SKAP2: variants seen among roughly 807,000 people sequenced by gnomAD.
SKAP2 encodes src kinase associated phosphoprotein 2.
SKAP2 carries 28 observed loss-of-function variants against 54.9 expected under a neutral mutation model. That is an observed-to-expected ratio of 0.51 (90% CI 0.38 to 0.70). The LOEUF is 0.70. SKAP2 is among the 30% of genes least tolerant of loss of function. SKAP2 has a pLI of 0.00. For missense variants in SKAP2, 356 were observed against 424.1 expected, an observed-to-expected ratio of 0.84 and a Z score of 1.41; for synonymous variants, 137 against 134.3, an observed-to-expected ratio of 1.02 and a Z score of -0.14.
intron 9 of SKAP2, among the ~76,000 whole-genome samples, chr7:26,714,463 A>G (rs1787386637): frequency 6.6e-6 from 1 of 152,232 alleles, no homozygotes. Context: ...AAATTAAGGT[A>G]AAATTTCACT....
chr7:26,848,864 G>A (rs988472276), intron 3 of SKAP2, among the ~76,000 whole-genome samples: 1 of 152,136 alleles, frequency 6.6e-6, no homozygotes, highest in African/African-American at 2.4e-5. Context: ...TCTACAATAG[G>A]AGGGCATGCA....
intron 11 of SKAP2, among the ~76,000 whole-genome samples, chr7:26,683,566 A>AAGG (rs924462513): frequency 6.6e-6 from 1 of 151,690 alleles, no homozygotes; most frequent in African/African-American, 2.4e-5. Context: ...GGAAGGAAGG[A>AAGG]AAGAAGGAGC....
At chr7:26,726,118 T>C in intron 7 of SKAP2, 132 bp from the exon 8 acceptor site, 1 of 602,186 alleles carries the variant, frequency 1.7e-6, no homozygotes. Flanking sequence ...CAAGGATGCT[T>C]CTTATAATGT....
At position 26,690,327 on chromosome 7, in the gene SKAP2, C is replaced by A; in HGVS notation, c.832G>T (p.Glu278Ter). 1 of 1,612,436 alleles carries A rather than the reference C, an allele frequency of 6.2e-7. No homozygotes were observed. The highest frequency in any genetic ancestry group is 1.1e-5 in the South Asian group (1 of 91,032). The change falls in exon 10 of 13, where the codon GAA becomes TAA. Residue 278 changes from glutamate to a stop codon, truncating the protein, a stop_gained. Transcript: ENST00000345317. LOFTEE classifies it high-confidence loss of function. Reference sequence around the variant, plus strand: ...CTATCCTGACTCATCTTCCTTTGTTCTTCCACTTTCACTGGAGCACTGTCC... The same window carrying A: ...CTATCCTGACTCATCTTCCTTTGTTATTCCACTTTCACTGGAGCACTGTCC... ...EEDSAPVKVE[E>*]QRKMSQDSVH...
intron 9 of SKAP2, among the ~76,000 whole-genome samples, chr7:26,717,901 G>A (rs916311457): frequency 6.6e-6 from 1 of 151,730 alleles, no homozygotes; most frequent in Non-Finnish European, 1.5e-5. Context: ...AAAGTGTCAA[G>A]ATATAAAGAC....
At chr7:26,782,516 G>A (rs1397628970) in intron 4 of SKAP2, among the ~76,000 whole-genome samples, 1 of 152,154 alleles carries the variant, frequency 6.6e-6, no homozygotes, top group African/African-American at 2.4e-5. Context: ...CCCCAAGGTT[G>A]ATAGTATTAA....
intron 4 of SKAP2, among the ~76,000 whole-genome samples, chr7:26,795,116 G>C (rs1783747588): frequency 6.6e-6 from 1 of 152,034 alleles, no homozygotes; most frequent in Non-Finnish European, 1.5e-5. Flanking sequence ...AAGTTCAAAA[G>C]AGAAGAGTCA....
At chr7:26,705,591 C>T (rs80110935) in intron 9 of SKAP2, among the ~76,000 whole-genome samples, 1,808 of 152,228 alleles carry the variant, frequency 0.012, 37 homozygotes, top group African/African-American at 0.041. Flanking sequence ...TTATTATAAA[C>T]AACTTTATCA....
chr7:26,803,967 C>T (rs916053250), intron 4 of SKAP2, among the ~76,000 whole-genome samples: 4 of 151,216 alleles, frequency 2.6e-5, no homozygotes, highest in Middle Eastern at 3.4e-3. Context: ...TTATCAGAGG[C>T]GAGGAAGAGT....
intron 4 of SKAP2, among the ~76,000 whole-genome samples, chr7:26,750,284 T>C (rs1202500622): frequency 1.3e-5 from 2 of 151,152 alleles, no homozygotes; most frequent in African/African-American, 4.9e-5. Context: ...ATACCTAATA[T>C]ACCTAATAGA....
intron 11 of SKAP2, among the ~76,000 whole-genome samples, chr7:26,682,369 C>T (rs1385106822): frequency 1.3e-5 from 2 of 152,126 alleles, no homozygotes; most frequent in Non-Finnish European, 2.9e-5. Flanking sequence ...TACTCGCAGC[C>T]AAGACACCCA....
intron 1 of SKAP2, among the ~76,000 whole-genome samples, chr7:26,855,978 T>C (rs1004697208): frequency 3.9e-5 from 6 of 152,128 alleles, no homozygotes; most frequent in African/African-American, 1.2e-4. Flanking sequence ...TAGTTCAAAG[T>C]AGTATAATAA....
At chr7:26,694,123 T>G (rs1483922783) in intron 9 of SKAP2, among the ~76,000 whole-genome samples, 3 of 152,214 alleles carry the variant, frequency 2.0e-5, no homozygotes, top group Non-Finnish European at 4.4e-5. Flanking sequence ...TTATTTAGGT[T>G]TATTATTAAA....
At chr7:26,819,842 T>A (rs998709146) in intron 4 of SKAP2, among the ~76,000 whole-genome samples, 2 of 152,008 alleles carry the variant, frequency 1.3e-5, no homozygotes, top group Admixed American at 6.6e-5. Context: ...GCATGTGGAA[T>A]TTGATTCAAA....
chr7:26,703,666 G>A (rs1418328924), intron 9 of SKAP2, among the ~76,000 whole-genome samples: 8 of 152,080 alleles, frequency 5.3e-5, no homozygotes, highest in Non-Finnish European at 8.8e-5. Flanking sequence ...TAATTATTAT[G>A]AGGATGAAAT....
intron 4 of SKAP2, among the ~76,000 whole-genome samples, chr7:26,825,283 T>C (rs1013371069): frequency 2.0e-5 from 3 of 152,188 alleles, no homozygotes; most frequent in Non-Finnish European, 4.4e-5. Context: ...TTCCCCACCT[T>C]TGATTTCCTC....
At position 26,820,843 on chromosome 7, in the gene SKAP2, G is replaced by T. The variant is rs1784371470; in HGVS notation, c.307+23187C>A. ...CAAAGAAAATATGTACTAAAATCAA[G>T]TCAATTATTCCATCCCTTGGTCATC... On this transcript the variant is annotated intron_variant, in intron 4 of 12. Transcript: ENST00000345317. 2.0e-5 allele frequency among the ~76,000 whole-genome samples: 3 copies of T among 152,182 alleles called. No individual in the cohort carries two copies. The South Asian group carries it at 6.2e-4, about 32-fold the overall frequency.
rs1023224430 is a variant in SKAP2 at position 26,670,586 on chromosome 7, T to C, written c.988-394A>G. On this transcript the variant is annotated intron_variant, in intron 11 of 12. Coordinates refer to ENST00000345317, the MANE Select transcript of SKAP2 (RefSeq NM_003930.5). Reference sequence around the variant, plus strand: ...CTATTATATTTGCCTTCAAGAAGCTTATCATCTAGCAAGGATAAAATAATT... The same window carrying C: ...CTATTATATTTGCCTTCAAGAAGCTCATCATCTAGCAAGGATAAAATAATT... Among the ~76,000 whole-genome samples the C allele has an allele frequency of 2.0e-5, 3 of 152,106 alleles. No individual in the cohort carries two copies. In the South Asian group the frequency reaches 6.2e-4, roughly 32 times the overall value.
chr7:26,763,888 G>C (rs909794549), intron 4 of SKAP2, among the ~76,000 whole-genome samples: 1 of 152,038 alleles, frequency 6.6e-6, no homozygotes, highest in African/African-American at 2.4e-5. Flanking sequence ...GTAACTACTT[G>C]TGTATCTAAA....
Sources: gnomAD v4.1 joint callset for allele counts (sites outside exome capture counted in the v4.1 genomes callset) on GRCh38, gnomAD v4.1.1 for gene constraint, MANE v1.5 for transcripts, NCBI Gene and HGNC (gene_info 2026-07-23, HGNC 2026-07-21) for gene names.